Variants in SGCZ observed in about 807,000 individuals in gnomAD.
SGCZ encodes sarcoglycan zeta, also known as zeta-sarcoglycan.
SGCZ carries 40 observed loss-of-function variants against 41.3 expected under a neutral mutation model. The observed-to-expected ratio is 0.97, with a 90% confidence interval of 0.75 to 1.26. The LOEUF (loss-of-function observed/expected upper bound fraction) is 1.26. Among genes scored for constraint, SGCZ ranks in the 50% most tolerant of loss-of-function variants. The pLI is 0.00. For synonymous variants in SGCZ, 206 were observed against 137.5 expected, an observed-to-expected ratio of 1.50 and a Z score of -3.49; for missense variants, 552 against 369.8, an observed-to-expected ratio of 1.49 and a Z score of -4.04.
At chr8:14,138,450 G>C (rs891979273) in intron 5 of SGCZ, among the ~76,000 whole-genome samples, 8 of 151,550 alleles carry the variant, frequency 5.3e-5, no homozygotes, top group African/African-American at 1.9e-4. Flanking sequence ...CATCTCACGT[G>C]CAGAGACACA....
At chr8:14,520,294 G>T (rs1255881456) in intron 2 of SGCZ, among the ~76,000 whole-genome samples, 1 of 152,206 alleles carries the variant, frequency 6.6e-6, no homozygotes, top group African/African-American at 2.4e-5. Flanking sequence ...TTCTAATCAT[G>T]GCCTCAACAC....
Position 14,533,151 on chromosome 8 carries a change from C to A in SGCZ, c.234+21581G>T, listed in dbSNP as rs144921687. 4.3e-3 allele frequency among the ~76,000 whole-genome samples: 653 copies of A among 152,018 alleles called. 3 individuals carry two copies. Among genetic ancestry groups the A allele is most frequent in the African/African-American group, 0.015 (621 of 41,462 alleles). Reference sequence around the variant, plus strand: ...TAATGCTATCCTTCCCCACTCCCCCCACCCCACAACAGGCCCCGGTGTGTT... The same window carrying A: ...TAATGCTATCCTTCCCCACTCCCCCAACCCCACAACAGGCCCCGGTGTGTT... On this transcript the variant is annotated intron_variant, in intron 2 of 7. Coordinates refer to ENST00000382080, the MANE Select transcript of SGCZ (RefSeq NM_139167.4).
At chr8:14,890,131 C>A (rs1049295137) in intron 1 of SGCZ, among the ~76,000 whole-genome samples, 2 of 151,782 alleles carry the variant, frequency 1.3e-5, no homozygotes, top group African/African-American at 2.4e-5. Flanking sequence ...GCAGGTGAAT[C>A]GCTTCAACGT....
At chr8:14,103,079 T>C (rs1463858281) in intron 6 of SGCZ, among the ~76,000 whole-genome samples, 1 of 152,170 alleles carries the variant, frequency 6.6e-6, no homozygotes, top group African/African-American at 2.4e-5. Context: ...CATCAACTAA[T>C]TCTGTTGGCC....
At chr8:15,018,912 G>T (rs1803144269) in intron 1 of SGCZ, among the ~76,000 whole-genome samples, 1 of 152,190 alleles carries the variant, frequency 6.6e-6, no homozygotes, top group East Asian at 1.9e-4. Context: ...GATGTCTGGG[G>T]AGGCCTTAGG....
At chr8:14,718,191 A>C (rs994646126) in intron 1 of SGCZ, among the ~76,000 whole-genome samples, 1 of 150,198 alleles carries the variant, frequency 6.7e-6, no homozygotes, top group Non-Finnish European at 1.5e-5. Context: ...CATACAAACA[A>C]AAACTGTGGT....
chr8:15,120,078 T>C (rs369987657), intron 1 of SGCZ, among the ~76,000 whole-genome samples: 4 of 152,214 alleles, frequency 2.6e-5, no homozygotes, highest in East Asian at 3.8e-4. Flanking sequence ...CTCCTGTGCC[T>C]CAAGTGACCC....
rs1802812290 is a variant in SGCZ at position 14,839,172 on chromosome 8, G to A, written c.40-284246C>T. Among the ~76,000 whole-genome samples the A allele has an allele frequency of 2.0e-5, 3 of 152,112 alleles. No homozygotes were observed. In the South Asian group the frequency reaches 6.2e-4, roughly 31 times the overall value. ...TGCTTAAACTAGTATGATATTGATAGTGAAATAGCGGGGTGATATATTTTG... is the reference window on the plus strand; with the variant it reads ...TGCTTAAACTAGTATGATATTGATAATGAAATAGCGGGGTGATATATTTTG... On this transcript the variant is annotated intron_variant, in intron 1 of 7. Transcript: ENST00000382080.
At chr8:14,506,297 C>G (rs756552652) in intron 2 of SGCZ, among the ~76,000 whole-genome samples, 1 of 152,152 alleles carries the variant, frequency 6.6e-6, no homozygotes, top group African/African-American at 2.4e-5. Context: ...TCTATCTTCT[C>G]TCTTGTTAAT....
intron 1 of SGCZ, among the ~76,000 whole-genome samples, chr8:15,149,176 A>AT (rs141701374): frequency 0.074 from 11,255 of 151,466 alleles, 438 homozygotes; most frequent in Non-Finnish European, 0.08. Flanking sequence ...CATTATTCTT[A>AT]TTTTTTTTTA....
Position 14,772,153 on chromosome 8 carries a change from G to T in SGCZ, c.40-217227C>A, listed in dbSNP as rs555143018. ...AATAAAATAAGCTTTGTGTTAGATGGTTTTGCCCAACTGTAGGCTAATGTA... is the reference window on the plus strand; with the variant it reads ...AATAAAATAAGCTTTGTGTTAGATGTTTTTGCCCAACTGTAGGCTAATGTA... On this transcript the variant is annotated intron_variant, in intron 1 of 7. Transcript: ENST00000382080. 8.5e-5 allele frequency among the ~76,000 whole-genome samples: 13 copies of T among 152,226 alleles called. No individual in the cohort carries two copies. The South Asian group carries it at 1.7e-3, about 19-fold the overall frequency.
At chr8:14,837,579 G>A (rs371169383) in intron 1 of SGCZ, among the ~76,000 whole-genome samples, 16 of 152,268 alleles carry the variant, frequency 1.1e-4, no homozygotes, top group African/African-American at 3.8e-4. Flanking sequence ...GACATTGCTG[G>A]ACCAAAGCAG....
At chr8:14,781,281 G>C (rs1387763930) in intron 1 of SGCZ, among the ~76,000 whole-genome samples, 1 of 152,162 alleles carries the variant, frequency 6.6e-6, no homozygotes, top group African/African-American at 2.4e-5. Context: ...ACCCAGGCTA[G>C]AGTGCAATGG....
chr8:14,264,924 C>G (rs1799821041), intron 3 of SGCZ, among the ~76,000 whole-genome samples: 2 of 152,202 alleles, frequency 1.3e-5, no homozygotes, highest in Admixed American at 1.3e-4. Flanking sequence ...GATGGCGCCA[C>G]TGCACTCCGG....
chr8:14,694,344 A>G (rs1485108831), intron 1 of SGCZ, among the ~76,000 whole-genome samples: 2 of 152,192 alleles, frequency 1.3e-5, no homozygotes, highest in Admixed American at 1.3e-4. Context: ...CAGGCAAAGA[A>G]TCTATTTTTC....
chr8:15,073,478 C>T (rs887102223), intron 1 of SGCZ, among the ~76,000 whole-genome samples: 2 of 152,142 alleles, frequency 1.3e-5, no homozygotes, highest in African/African-American at 2.4e-5. Context: ...ATTTATGTGT[C>T]AGCCTGGCTA....
intron 1 of SGCZ, among the ~76,000 whole-genome samples, chr8:14,943,116 C>T (rs1225266280): frequency 6.6e-6 from 1 of 152,120 alleles, no homozygotes; most frequent in African/African-American, 2.4e-5. Context: ...AAGTGATTCA[C>T]AACATTACAT....
intron 3 of SGCZ, among the ~76,000 whole-genome samples, chr8:14,291,239 T>C (rs1036843419): frequency 6.6e-5 from 10 of 152,038 alleles, no homozygotes; most frequent in African/African-American, 2.2e-4. Flanking sequence ...TATTGCCTAG[T>C]AGGTTAAAGA....
At chr8:14,230,068 T>C (rs185300662) in intron 4 of SGCZ, among the ~76,000 whole-genome samples, 1 of 152,266 alleles carries the variant, frequency 6.6e-6, no homozygotes, top group East Asian at 1.9e-4. Context: ...TACGTGCCTA[T>C]GCTCTATGGC....
Sources: allele counts gnomAD v4.1 joint callset (sites outside exome capture counted in the v4.1 genomes callset), GRCh38; gene constraint gnomAD v4.1.1; transcripts MANE v1.5; gene names NCBI Gene and HGNC (gene_info 2026-07-23, HGNC 2026-07-21).